The following RWDD1 variants were observed in gnomAD, a reference collection of about 807,000 sequenced individuals.
RWDD1 encodes the protein RWD domain-containing protein 1.
RWDD1 carries 17 observed loss-of-function variants against 31.6 expected under a neutral mutation model. That is an observed-to-expected ratio of 0.54 (90% confidence interval 0.37 to 0.81). The LOEUF is 0.81. Ranked by LOEUF, RWDD1 falls within the 30% of genes least tolerant of loss-of-function variation. The probability of loss-of-function intolerance (pLI) is 0.00; values close to 1 mark genes in which losing one functional copy is unlikely to be tolerated. For synonymous variants in RWDD1, 78 were observed against 94.2 expected, an observed-to-expected ratio of 0.83 and a Z score of 0.99; for missense variants, 204 against 274.5, an observed-to-expected ratio of 0.74 and a Z score of 1.82.
chr6:116,590,172 T>G (rs763357056), intron 4 of RWDD1, 100 bp from the exon 5 acceptor site: 3 of 569,422 alleles, frequency 5.3e-6, no homozygotes, highest in Non-Finnish European at 8.8e-6. Context: ...TTTTCTGTTT[T>G]TCTTATAAGG....
Position 116,591,503 on chromosome 6 carries a change from C to G in RWDD1, c.610+553C>G, listed in dbSNP as rs140164483. Among the ~76,000 whole-genome samples the G allele has an allele frequency of 3.4e-3, 518 of 152,356 alleles. 3 individuals are homozygous for G. Among genetic ancestry groups the G allele is most frequent in the African/African-American group, 0.012 (485 of 41,592 alleles). On this transcript the variant is annotated intron_variant, in intron 6 of 6. Transcript: ENST00000466444. ...GTTTAACTCCTAGCATCCCCTCTCA[C>G]CAGACTTTCATATGACTCTTGCTGT...
rs1179043995 is a variant in RWDD1 at position 116,590,325 on chromosome 6, C to A, written c.468C>A (p.Ala156=). The stretch of plus-strand genomic sequence containing the variant: ...TTGAGAATTTCTTAAATTGGAAAGC[C>A]AAGTTTGATGCAGAACTCTTGGAAA... The part of the protein sequence containing the change: ...VTIENFLNWK[A]KFDAELLEIK... The change falls in exon 5 of 7, where the codon GCC becomes GCA. Residue 156 remains alanine (A), a synonymous_variant. Coordinates refer to ENST00000466444, the MANE Select transcript of RWDD1 (RefSeq NM_015952.4). 2 of 1,597,918 alleles carry A rather than the reference C, an allele frequency of 1.3e-6. No homozygotes were observed. Among genetic ancestry groups the A allele is most frequent in the East Asian group, 4.5e-5 (2 of 44,320 alleles).
intron 5 of RWDD1, 77 bp downstream of exon 5, chr6:116,590,481 C>T: frequency 6.8e-7 from 1 of 1,462,948 alleles, no homozygotes; most frequent in Non-Finnish European, 9.0e-7. Flanking sequence ...ATCATTTGGT[C>T]AGATTTCTGT....
At chr6:116,592,901 A>C (rs1775170586) in intron 6 of RWDD1, 79 bp from the exon 7 acceptor site, 3 of 1,458,520 alleles carry the variant, frequency 2.1e-6, no homozygotes, top group African/African-American at 2.8e-5. Context: ...TCTGTTTGGT[A>C]GTGCCAATGA....
rs1055567131 is a variant in RWDD1, at chr6:116,594,235, C to G, written c.*1134C>G. 2.0e-5 allele frequency: 3 copies of G among 152,012 alleles called. No homozygotes were observed. Among genetic ancestry groups the G allele is most frequent in the African/African-American group, 7.3e-5 (3 of 41,346 alleles). The allele number at this position is 152,012 out of a possible 1,614,324, so 9.4% of individuals were successfully genotyped here. ...TATAACCCAAACACCCCACCAGCCC[C>G]CATCTCCCAACACCACCACACTGGG... On this transcript the variant is annotated 3_prime_UTR_variant, in exon 7 of 7. Coordinates refer to ENST00000466444, the MANE Select transcript of RWDD1 (RefSeq NM_015952.4).
At chr6:116,573,420 G>C (rs1377274083) in intron 1 of RWDD1, among the ~76,000 whole-genome samples, 1 of 152,272 alleles carries the variant, frequency 6.6e-6, no homozygotes, top group East Asian at 1.9e-4. Context: ...TGCATTATCA[G>C]ATGAGCCATC....
chr6:116,578,813 AT>A (rs1301730789), intron 1 of RWDD1, among the ~76,000 whole-genome samples: 1 of 152,146 alleles, frequency 6.6e-6, no homozygotes, highest in East Asian at 1.9e-4. Context: ...GGTGTTCATC[AT>A]TTCTTAAAGT....
chr6:116,575,095 A>T lies in RWDD1; in HGVS notation c.73+3440A>T, dbSNP rs554003248. On this transcript the variant is annotated intron_variant, in intron 1 of 6. Coordinates refer to ENST00000466444, the MANE Select transcript of RWDD1 (RefSeq NM_015952.4). ...CAGCTTTACTCTTTTTCTCAAAAAA[A>T]TTTTTTTTTGAGAGAGAGTCTCCCT... Among the ~76,000 whole-genome samples the T allele has an allele frequency of 8.1e-4, 122 of 151,348 alleles. 1 individual carries two copies. The South Asian group carries it at 0.02, about 25-fold the overall frequency.
At position 116,595,131 on chromosome 6, in the gene RWDD1, A is replaced by G. The variant is rs894462443; in HGVS notation, c.*2030A>G. 4 of 152,192 alleles carry G rather than the reference A, an allele frequency of 2.6e-5. No individual in the cohort carries two copies. The highest frequency in any genetic ancestry group is 4.8e-5 in the African/African-American group (2 of 41,454). The allele number at this position is 152,192 out of a possible 1,614,324, so 9.4% of individuals were successfully genotyped here. On this transcript the variant is annotated 3_prime_UTR_variant, in exon 7 of 7. Transcript: ENST00000466444. The stretch of plus-strand genomic sequence containing the variant: ...AGAACCTGGAAGAAGCTGCTCAATT[A>G]AGGTTAAAAAAAATAAAAAGCAATT...
chr6:116,591,627 G>A (rs1284788942), intron 6 of RWDD1, among the ~76,000 whole-genome samples: 1 of 152,188 alleles, frequency 6.6e-6, no homozygotes, highest in Non-Finnish European at 1.5e-5. Context: ...CACTGTCCTG[G>A]CCACTGAGGA....
intron 3 of RWDD1, 111 bp from the exon 4 acceptor site, chr6:116,588,731 C>G: frequency 3.6e-6 from 2 of 551,052 alleles, no homozygotes; most frequent in South Asian, 9.2e-5. Context: ...CTTAAATGAT[C>G]TTTTATTGAA....
chr6:116,595,862 A>G lies in RWDD1; in HGVS notation c.*2761A>G, dbSNP rs568979701. 3 of 152,356 alleles carry G rather than the reference A, an allele frequency of 2.0e-5. No individual in the cohort carries two copies. The highest frequency in any genetic ancestry group is 1.3e-4 in the Admixed American group (2 of 15,306). 9.4% of individuals were successfully genotyped at this position (152,356 alleles called of 1,614,324 possible). A position where few individuals can be genotyped will look rare whatever the true frequency, so the allele number is the denominator to read the frequency against. The stretch of plus-strand genomic sequence containing the variant: ...GTGGATGCCTTAGGGAAAAAGTTGG[A>G]TAAATGCTGATCTAAGGCAACACGT... On this transcript the variant is annotated 3_prime_UTR_variant, in exon 7 of 7. Transcript: ENST00000466444.
intron 2 of RWDD1, among the ~76,000 whole-genome samples, chr6:116,583,571 T>C (rs956404056): frequency 6.6e-6 from 1 of 151,886 alleles, no homozygotes; most frequent in Middle Eastern, 3.2e-3. Flanking sequence ...TGATATGAGG[T>C]GATGTTAATT....
chr6:116,585,441 C>T (rs1034249708), intron 3 of RWDD1, among the ~76,000 whole-genome samples: 1 of 152,068 alleles, frequency 6.6e-6, no homozygotes, highest in Admixed American at 6.6e-5. Context: ...GTAATCTGGG[C>T]TTGGCAGGTA....
intron 6 of RWDD1, 31 bp downstream of exon 6, chr6:116,590,981 A>T: frequency 6.4e-7 from 1 of 1,551,042 alleles, no homozygotes; most frequent in Non-Finnish European, 8.6e-7. Flanking sequence ...CACATGTGGG[A>T]CAGGCACAGT....
intron 2 of RWDD1, among the ~76,000 whole-genome samples, chr6:116,584,435 G>A (rs1430642227): frequency 6.6e-6 from 1 of 152,130 alleles, no homozygotes; most frequent in East Asian, 1.9e-4. Context: ...TCTTAGGAAA[G>A]GTTTTTAAAA....
At chr6:116,590,446 G>T (rs757294451) in intron 5 of RWDD1, 42 bp downstream of exon 5, 2 of 1,510,008 alleles carry the variant, frequency 1.3e-6, no homozygotes, top group Non-Finnish European at 1.8e-6. Context: ...AAACCCTCCT[G>T]TATCATTTTT....
intron 2 of RWDD1, among the ~76,000 whole-genome samples, chr6:116,583,864 T>C (rs1045694077): frequency 7.2e-5 from 11 of 152,284 alleles, no homozygotes; most frequent in South Asian, 2.1e-4. Flanking sequence ...ACATGAAAAA[T>C]AAAATATCAA....
chr6:116,592,940 C>T (rs1454811943), intron 6 of RWDD1, 40 bp from the exon 7 acceptor site: 2 of 1,584,580 alleles, frequency 1.3e-6, no homozygotes, highest in East Asian at 4.5e-5. Flanking sequence ...GAGTATAAGA[C>T]TAAAGGAGAT....
Sources: allele counts gnomAD v4.1 joint callset (sites outside exome capture counted in the v4.1 genomes callset), GRCh38; gene constraint gnomAD v4.1.1; transcripts MANE v1.5; gene names NCBI Gene and HGNC (gene_info 2026-07-23, HGNC 2026-07-21).